The following PP2D1 variants were observed in gnomAD, a reference collection of about 807,000 sequenced individuals.
The protein encoded by PP2D1 is protein phosphatase 2C-like domain-containing protein 1.
PP2D1 carries 25 observed loss-of-function variants against 30.2 expected under a neutral mutation model. The ratio of observed to expected loss-of-function variants is 0.83; its 90% confidence interval spans 0.60 to 1.16. The LOEUF (loss-of-function observed/expected upper bound fraction) is 1.16, where lower values mean the gene tolerates loss of function less well. Among genes scored for constraint, PP2D1 ranks in the 50% most tolerant of loss-of-function variants. The pLI is 0.00. For missense variants in PP2D1, 760 were observed against 742.4 expected (o/e 1.02, Z -0.28); for synonymous variants, 260 against 258.9 (o/e 1.00, Z -0.04).
chr3:19,981,681 G>T (rs926011580), downstream of PP2D1, among the ~76,000 whole-genome samples: 1 of 151,916 alleles, frequency 6.6e-6, no homozygotes, highest in South Asian at 2.1e-4. Context: ...TAGCCCCATT[G>T]TAAGTCAAGG....
chr3:19,992,221 G>A (rs1697127316), intron 2 of PP2D1, among the ~76,000 whole-genome samples: 1 of 152,116 alleles, frequency 6.6e-6, no homozygotes, highest in South Asian at 2.1e-4. Context: ...CATGTCCATT[G>A]TTCATTGCTC....
chr3:20,002,081 T>C lies in PP2D1; in HGVS notation c.39A>G (p.Ser13=). Residue 13 remains serine, a synonymous_variant, in exon 2 of 3, where the codon TCA becomes TCG. Coordinates refer to ENST00000389050, the MANE Select transcript of PP2D1 (RefSeq NM_001252657.2). The part of the protein sequence containing the change: ...TNNALRVFWK[S]REWNMKTSTF... ...TTGATGTTTTCATATTCCATTCTCT[T>C]GATTTCCAAAACACTCTGCAAACAG... 1.3e-6 allele frequency: 2 copies of C among 1,531,320 alleles called. No individual in the cohort carries two copies. Among genetic ancestry groups the C allele is most frequent in the African/African-American group, 2.7e-5 (2 of 72,924 alleles). 94.9% of individuals were successfully genotyped at this position (1,531,320 alleles called of 1,614,324 possible).
At chr3:19,981,194 C>T (rs892160948), downstream of PP2D1, among the ~76,000 whole-genome samples, 2 of 152,196 alleles carry the variant, frequency 1.3e-5, no homozygotes, top group East Asian at 1.9e-4. Context: ...CTACAGCAAT[C>T]TCCAACTTTA....
downstream of PP2D1, chr3:19,985,027 C>T: frequency 1.0e-5 from 2 of 199,022 alleles, no homozygotes; most frequent in Non-Finnish European, 2.0e-5. Flanking sequence ...TGAAAGCTAC[C>T]ATGTGTCAGA....
chr3:20,012,104 C>A lies in PP2D1; in HGVS notation c.-32G>T. 6.6e-7 allele frequency: 1 copy of A among 1,517,394 alleles called. No individual in the cohort carries two copies. The highest frequency in any genetic ancestry group is 1.2e-5 in the South Asian group (1 of 82,812). 94.0% of individuals were successfully genotyped at this position (1,517,394 alleles called of 1,614,324 possible). ...TTGGAATTACCTTTCTTTGCCCTCCCTTTATCCCCTTCCCCTGGCCTCTAT... is the reference window on the plus strand; with the variant it reads ...TTGGAATTACCTTTCTTTGCCCTCCATTTATCCCCTTCCCCTGGCCTCTAT... On this transcript the variant is annotated 5_prime_UTR_variant, in exon 1 of 3. In the 5' UTR this introduces an upstream ATG that the reference lacks. Transcript: ENST00000389050.
intron 1 of PP2D1, among the ~76,000 whole-genome samples, chr3:20,011,551 C>T (rs1352672990): frequency 6.6e-6 from 1 of 152,124 alleles, no homozygotes; most frequent in Admixed American, 6.6e-5. Flanking sequence ...ATAATCTCAG[C>T]ACTTTGGGAG....
At chr3:20,009,631 T>G (rs1697361922) in intron 1 of PP2D1, among the ~76,000 whole-genome samples, 1 of 152,120 alleles carries the variant, frequency 6.6e-6, no homozygotes. Context: ...TCCTGTAAAT[T>G]ATGCAAAAAT....
chr3:19,985,915 G>T lies in PP2D1; in HGVS notation c.1358C>A (p.Ala453Asp). 6.5e-7 allele frequency: 1 copy of T among 1,536,394 alleles called. No individual in the cohort carries two copies. Among genetic ancestry groups the T allele is most frequent in the Non-Finnish European group, 8.7e-7 (1 of 1,146,944 alleles). The change falls in exon 3 of 3, where the codon GCT becomes GAT. Residue 453 changes from alanine (A) to aspartate (D), a missense_variant. By Grantham distance (126) the Ala-to-Asp change is moderately radical. This residue lies in a region of PP2D1 where 369 missense variants were observed against 316.2 expected (regional missense o/e 1.17). Transcript: ENST00000389050. ...IDDLCQFLIV[A>D]TNGLWEVLDK... ...CAAAACTTCCCAAAGTCCATTAGTA[G>T]CTACAATAAGGAATTGACATAGGTC...
intron 2 of PP2D1, among the ~76,000 whole-genome samples, chr3:19,987,555 G>A (rs1442198349): frequency 6.6e-6 from 1 of 152,102 alleles, no homozygotes; most frequent in African/African-American, 2.4e-5. Context: ...GGATCATTTA[G>A]TTGCTTGCAG....
chr3:20,011,929 C>T (rs753685936), intron 1 of PP2D1, 121 bp downstream of exon 1: 2 of 695,166 alleles, frequency 2.9e-6, no homozygotes, highest in South Asian at 3.9e-5. Flanking sequence ...CTTCAATGTA[C>T]ACAGTTTAAC....
downstream of PP2D1, among the ~76,000 whole-genome samples, chr3:19,982,487 A>G (rs1437921889): frequency 1.3e-5 from 2 of 152,178 alleles, no homozygotes; most frequent in African/African-American, 2.4e-5. Context: ...TCAAAAATGC[A>G]ACTCTTATCT....
At chr3:20,011,476 A>T (rs775925918) in intron 1 of PP2D1, among the ~76,000 whole-genome samples, 1 of 152,108 alleles carries the variant, frequency 6.6e-6, no homozygotes, top group Non-Finnish European at 1.5e-5. Context: ...AATGTATTGC[A>T]TCATTCATAT....
At chr3:20,011,195 AG>A (rs1697381828) in intron 1 of PP2D1, among the ~76,000 whole-genome samples, 1 of 152,222 alleles carries the variant, frequency 6.6e-6, no homozygotes, top group African/African-American at 2.4e-5. Flanking sequence ...AGAAATGGAC[AG>A]GTAAGCAGAG....
At chr3:19,990,183 C>A (rs1697098479) in intron 2 of PP2D1, among the ~76,000 whole-genome samples, 1 of 152,196 alleles carries the variant, frequency 6.6e-6, no homozygotes, top group Non-Finnish European at 1.5e-5. Context: ...TTCACTCTGT[C>A]ACCCAGGCTG....
chr3:19,985,432 ATGT>A lies in PP2D1; in HGVS notation c.1838_1840del (p.Asn613del), dbSNP rs1386473342. The A allele has an allele frequency of 6.5e-7, 1 of 1,535,894 alleles. No homozygotes were observed. Among genetic ancestry groups the A allele is most frequent in the Non-Finnish European group, 8.7e-7 (1 of 1,146,840 alleles). Reference sequence around the variant, plus strand: ...ATTGAGAAATATTACCATAACTGTAATGTTGTCTCTGGAGCCAGCCAGTAAAGC... The same window carrying A: ...ATTGAGAAATATTACCATAACTGTAATGTCTCTGGAGCCAGCCAGTAAAGC... On this transcript the variant is annotated inframe_deletion, in exon 3 of 3. Transcript: ENST00000389050.
At chr3:19,983,644 G>C, downstream of PP2D1, 1 of 1,052,722 alleles carries the variant, frequency 9.5e-7, no homozygotes, top group Non-Finnish European at 1.4e-6. Flanking sequence ...TTATAGATAA[G>C]CAGGTGAAAC....
At chr3:19,988,106 A>G (rs550020758) in intron 2 of PP2D1, among the ~76,000 whole-genome samples, 1 of 152,330 alleles carries the variant, frequency 6.6e-6, no homozygotes, top group Admixed American at 6.5e-5. Context: ...TGTTTAAACA[A>G]TATGAAATCT....
chr3:19,988,738 T>G (rs1427471707), intron 2 of PP2D1, among the ~76,000 whole-genome samples: 4 of 152,052 alleles, frequency 2.6e-5, no homozygotes, highest in Non-Finnish European at 4.4e-5. Context: ...CTTTAAAATT[T>G]CTGTCTTTAC....
At position 19,985,903 on chromosome 3, in the gene PP2D1, A is replaced by G. The variant is rs563248591; in HGVS notation, c.1370T>C (p.Leu457Pro). The G allele has an allele frequency of 6.5e-7, 1 of 1,536,466 alleles. No homozygotes were observed. The highest frequency in any genetic ancestry group is 2.0e-5 in the Admixed American group (1 of 51,004). ...TTCCTCTTTATCCAAAACTTCCCAA[A>G]GTCCATTAGTAGCTACAATAAGGAA... ...CQFLIVATNGLWEVLDKEEVT... is the reference protein window; with the variant it reads ...CQFLIVATNGPWEVLDKEEVT... The change falls in exon 3 of 3, where the codon CTT becomes CCT. Residue 457 changes from leucine to proline, a missense_variant. Coordinates refer to ENST00000389050, the MANE Select transcript of PP2D1 (RefSeq NM_001252657.2).
Sources: gnomAD v4.1 joint callset for allele counts (sites outside exome capture counted in the v4.1 genomes callset) on GRCh38, gnomAD v4.1.1 for gene constraint, gnomAD v4.1.1 regional missense constraint, MANE v1.5 for transcripts, NCBI Gene and HGNC (gene_info 2026-07-23, HGNC 2026-07-21) for gene names.